Variants in PPFIA2 observed in about 807,000 individuals in gnomAD.
PPFIA2 encodes PPFI scaffold protein A2.
PPFIA2 carries 46 observed loss-of-function variants against 175.5 expected under a neutral mutation model. That is an observed-to-expected ratio of 0.26 (90% CI 0.21 to 0.34). The LOEUF is 0.34. Ranked by LOEUF, PPFIA2 falls within the 10% of genes least tolerant of loss-of-function variation. The probability of loss-of-function intolerance (pLI) is 1.00; values close to 1 mark genes in which losing one functional copy is unlikely to be tolerated. For synonymous variants in PPFIA2, 568 were observed against 511.4 expected, an observed-to-expected ratio of 1.11 and a Z score of -1.49; for missense variants, 1,179 against 1,506.1, an observed-to-expected ratio of 0.78 and a Z score of 3.60.
chr12:81,459,225 A>G (rs2054108992), intron 4 of PPFIA2, among the ~76,000 whole-genome samples: 1 of 152,096 alleles, frequency 6.6e-6, no homozygotes, highest in Admixed American at 6.6e-5. Context: ...AAATGTTGCT[A>G]ATACTCTGAG....
At chr12:81,385,035 A>T (rs946532061) in intron 8 of PPFIA2, among the ~76,000 whole-genome samples, 5 of 152,292 alleles carry the variant, frequency 3.3e-5, no homozygotes, top group Admixed American at 6.5e-5. Context: ...CCAGATAAGA[A>T]ACAGGGAAGA....
chr12:81,641,776 G>A (rs1225183695), intron 4 of PPFIA2, among the ~76,000 whole-genome samples: 2 of 152,076 alleles, frequency 1.3e-5, no homozygotes, highest in South Asian at 2.1e-4. Context: ...CCACCCCATA[G>A]AATCATAGGT....
chr12:81,741,395 T>G (rs1391141207), intron 3 of PPFIA2, among the ~76,000 whole-genome samples: 1 of 152,220 alleles, frequency 6.6e-6, no homozygotes, highest in African/African-American at 2.4e-5. Flanking sequence ...ATATGGAGAA[T>G]GTACACAACA....
At chr12:81,654,151 A>T (rs898274142) in intron 4 of PPFIA2, among the ~76,000 whole-genome samples, 6 of 151,954 alleles carry the variant, frequency 3.9e-5, no homozygotes, top group Admixed American at 3.3e-4. Context: ...AAAAAAATTT[A>T]AAAAATCTGT....
intron 3 of PPFIA2, among the ~76,000 whole-genome samples, chr12:81,723,798 G>A (rs1423818435): frequency 6.6e-6 from 1 of 150,860 alleles, no homozygotes; most frequent in Non-Finnish European, 1.5e-5. Flanking sequence ...ATTATAATGG[G>A]ATAATTCCCC....
At chr12:81,469,462 G>T (rs1478419791) in intron 4 of PPFIA2, among the ~76,000 whole-genome samples, 3 of 152,220 alleles carry the variant, frequency 2.0e-5, no homozygotes, top group Admixed American at 2.0e-4. Context: ...CCCTGTAGGA[G>T]GGTATGTGCG....
chr12:81,619,873 A>G (rs12321632), intron 4 of PPFIA2, among the ~76,000 whole-genome samples: 1,756 of 152,166 alleles, frequency 0.012, 36 homozygotes, highest in African/African-American at 0.041. Context: ...TTAAGAAGAA[A>G]GGCAGGCCAG....
chr12:81,547,978 C>T (rs1358130029), intron 4 of PPFIA2, among the ~76,000 whole-genome samples: 2 of 152,148 alleles, frequency 1.3e-5, no homozygotes, highest in Admixed American at 1.3e-4. Flanking sequence ...AGTGAAGTCA[C>T]TAAACTAACA....
chr12:81,728,548 C>G (rs910623647), intron 3 of PPFIA2, among the ~76,000 whole-genome samples: 1 of 151,366 alleles, frequency 6.6e-6, no homozygotes, highest in Non-Finnish European at 1.5e-5. Flanking sequence ...CTTCTCTCAG[C>G]TTCTATTATC....
chr12:81,545,138 G>A (rs927687924), intron 4 of PPFIA2, among the ~76,000 whole-genome samples: 1 of 151,696 alleles, frequency 6.6e-6, no homozygotes, highest in African/African-American at 2.4e-5. Flanking sequence ...TTCAAAAACT[G>A]AGATACACAT....
intron 3 of PPFIA2, among the ~76,000 whole-genome samples, chr12:81,718,384 G>A (rs898540270): frequency 2.6e-5 from 4 of 151,566 alleles, no homozygotes; most frequent in Non-Finnish European, 5.9e-5. Context: ...TAGAATGTGT[G>A]AGAAGTGGGA....
At chr12:81,690,278 T>A (rs1350273232) in intron 3 of PPFIA2, among the ~76,000 whole-genome samples, 1 of 152,104 alleles carries the variant, frequency 6.6e-6, no homozygotes, top group Non-Finnish European at 1.5e-5. Flanking sequence ...GACCAGTATT[T>A]CCATATCCTT....
At chr12:81,393,271 GTGTGTATATTGAGTTTATTT>G (rs2040486510) in intron 8 of PPFIA2, among the ~76,000 whole-genome samples, 1 of 152,082 alleles carries the variant, frequency 6.6e-6, no homozygotes, top group Admixed American at 6.6e-5. Flanking sequence ...GAGATGAGAA[GTGTGTATATTGAGTTTATTT>G]TGTGTATATT....
chr12:81,475,882 T>C (rs933613609), intron 4 of PPFIA2, among the ~76,000 whole-genome samples: 1 of 152,134 alleles, frequency 6.6e-6, no homozygotes, highest in Non-Finnish European at 1.5e-5. Flanking sequence ...CGGCTAATTC[T>C]TTGTATTTTT....
At chr12:81,369,365 G>A (rs2034469389) in intron 11 of PPFIA2, 171 bp from the exon 12 acceptor site, 1 of 1,462,666 alleles carries the variant, frequency 6.8e-7, no homozygotes, top group African/African-American at 1.4e-5. Flanking sequence ...AAATGTGTCA[G>A]CTACAAAGGC....
At chr12:81,643,061 T>A (rs1177063433) in intron 4 of PPFIA2, among the ~76,000 whole-genome samples, 1 of 148,380 alleles carries the variant, frequency 6.7e-6, no homozygotes, top group Non-Finnish European at 1.5e-5. Flanking sequence ...TATACACGTA[T>A]ATATTTTACA....
At chr12:81,363,197 G>A (rs1211598716) in intron 14 of PPFIA2, among the ~76,000 whole-genome samples, 1 of 151,360 alleles carries the variant, frequency 6.6e-6, no homozygotes, top group African/African-American at 2.4e-5. Context: ...AAGATGATTG[G>A]ATTGAAAGAA....
chr12:81,289,910 G>A (rs906702527), intron 24 of PPFIA2, among the ~76,000 whole-genome samples: 4 of 151,728 alleles, frequency 2.6e-5, no homozygotes, highest in African/African-American at 7.2e-5. Context: ...GAGACTTTCT[G>A]TAGTAATAGT....
intron 4 of PPFIA2, among the ~76,000 whole-genome samples, chr12:81,480,471 C>T (rs1314000492): frequency 6.6e-6 from 1 of 152,070 alleles, no homozygotes; most frequent in East Asian, 1.9e-4. Flanking sequence ...GAGCTGTGAT[C>T]CTTTGGAGGA....
Sources: allele counts gnomAD v4.1 joint callset (sites outside exome capture counted in the v4.1 genomes callset), GRCh38; gene constraint gnomAD v4.1.1; transcripts MANE v1.5; gene names NCBI Gene and HGNC (gene_info 2026-07-23, HGNC 2026-07-21).